Variants in ANGPT2 observed in about 807,000 individuals in gnomAD.
The protein encoded by ANGPT2 is angiopoietin-2.
In ANGPT2, 28 loss-of-function variants were observed where a neutral mutation model predicts 62.9. The ratio of observed to expected loss-of-function variants is 0.44; its 90% CI spans 0.33 to 0.61. The LOEUF (loss-of-function observed/expected upper bound fraction) is 0.61, where lower values mean the gene tolerates loss of function less well. ANGPT2 is among the 20% of genes least tolerant of loss of function. ANGPT2 has a pLI of 0.03. For synonymous variants in ANGPT2, 284 were observed against 207.8 expected (o/e 1.37, Z -3.15); for missense variants, 727 against 594.9 (o/e 1.22, Z -2.31).
At chr8:6,538,132 C>T (rs7014586) in intron 1 of ANGPT2, among the ~76,000 whole-genome samples, 2,165 of 152,170 alleles carry the variant, frequency 0.014, 45 homozygotes, top group African/African-American at 0.048. Context: ...ATGATCCATC[C>T]ATCTTCCCAC....
chr8:6,553,409 A>T (rs1252138118), intron 1 of ANGPT2, among the ~76,000 whole-genome samples: 2 of 152,220 alleles, frequency 1.3e-5, no homozygotes, highest in African/African-American at 2.4e-5. Flanking sequence ...TTACATAGTT[A>T]AAAGTACACT....
At chr8:6,559,230 A>AACACACACACAC (rs59299448) in intron 1 of ANGPT2, among the ~76,000 whole-genome samples, 4,160 of 146,788 alleles carry the variant, frequency 0.028, 88 homozygotes, top group East Asian at 0.077. Flanking sequence ...CACACACGAC[A>AACACACACACAC]ACACACACAC....
chr8:6,505,261 T>TC (rs1563305264), intron 8 of ANGPT2, among the ~76,000 whole-genome samples: 6 of 116,676 alleles, frequency 5.1e-5, no homozygotes, highest in East Asian at 4.5e-4. Context: ...TTATATATGT[T>TC]TTATATATAT....
At chr8:6,553,472 C>T (rs1335162687) in intron 1 of ANGPT2, among the ~76,000 whole-genome samples, 2 of 152,050 alleles carry the variant, frequency 1.3e-5, no homozygotes, top group Admixed American at 6.5e-5. Flanking sequence ...GTAATTGCGT[C>T]GGCTTCACAC....
intron 7 of ANGPT2, among the ~76,000 whole-genome samples, chr8:6,512,526 C>G (rs3020214): frequency 0.37 from 55,616 of 152,050 alleles, 10,385 homozygotes; most frequent in Middle Eastern, 0.48. Context: ...CGAGGCGCCA[C>G]CAGTCTGTGC....
chr8:6,528,740 G>C (rs1216525576), intron 2 of ANGPT2, among the ~76,000 whole-genome samples: 1 of 152,224 alleles, frequency 6.6e-6, no homozygotes, highest in African/African-American at 2.4e-5. Context: ...GCAAATGTCA[G>C]TCAGCATTGT....
At chr8:6,522,124 G>A (rs1056638269) in intron 3 of ANGPT2, among the ~76,000 whole-genome samples, 17 of 152,208 alleles carry the variant, frequency 1.1e-4, no homozygotes, top group Admixed American at 4.6e-4. Flanking sequence ...GGGAGGCCGA[G>A]GCGGGCGGAT....
intron 1 of ANGPT2, among the ~76,000 whole-genome samples, chr8:6,536,723 C>T (rs1820570896): frequency 6.6e-6 from 1 of 152,070 alleles, no homozygotes; most frequent in African/African-American, 2.4e-5. Context: ...CATAAATCAC[C>T]ACGTATCAAG....
At chr8:6,553,370 A>AGCC (rs1360958529) in intron 1 of ANGPT2, among the ~76,000 whole-genome samples, 1 of 152,214 alleles carries the variant, frequency 6.6e-6, no homozygotes, top group Non-Finnish European at 1.5e-5. Flanking sequence ...CAGTAAACCT[A>AGCC]GCCAGCCCTC....
At chr8:6,553,011 T>G (rs1823935597) in intron 1 of ANGPT2, among the ~76,000 whole-genome samples, 1 of 152,210 alleles carries the variant, frequency 6.6e-6, no homozygotes, top group South Asian at 2.1e-4. Context: ...GAAGCTGCTC[T>G]GTGTGATGCT....
rs1378673142 is a variant in ANGPT2 at position 6,502,093 on chromosome 8, A to G, written c.*1008T>C. ...AAATTAAATTGTAGTCTAGTTCTAT[A>G]AAAATATATCTTACTAGGAAAGAAA... On this transcript the variant is annotated 3_prime_UTR_variant, in exon 9 of 9. Coordinates refer to ENST00000629816, the MANE Select transcript of ANGPT2 (RefSeq NM_001118887.2). 2 of 152,114 alleles carry G rather than the reference A, an allele frequency of 1.3e-5. No homozygotes were observed. Among genetic ancestry groups the G allele is most frequent in the African/African-American group, 4.8e-5 (2 of 41,440 alleles). 9.4% of individuals were successfully genotyped at this position (152,114 alleles called of 1,614,324 possible).
chr8:6,524,340 A>C (rs1027986243), intron 3 of ANGPT2, among the ~76,000 whole-genome samples: 2 of 152,330 alleles, frequency 1.3e-5, no homozygotes, highest in African/African-American at 4.8e-5. Context: ...AGCTGGTGAA[A>C]TATTCTATAC....
In ANGPT2 at chr8:6,503,331, C is replaced by T. The variant is rs1812577181; in HGVS notation, c.1328-70G>A. The T allele has an allele frequency of 9.6e-6, 15 of 1,559,926 alleles. No individual in the cohort carries two copies. In the South Asian group the frequency reaches 1.4e-4, roughly 14 times the overall value. On this transcript the variant is annotated intron_variant, in intron 8 of 8. Coordinates refer to ENST00000629816, the MANE Select transcript of ANGPT2 (RefSeq NM_001118887.2). ...AGCTCCCACCACGAAGACAGCAATA[C>T]TCAGCTAAGGCAGGAGGCACACTGC...
chr8:6,562,468 C>T (rs950437754), intron 1 of ANGPT2, among the ~76,000 whole-genome samples, 179 bp downstream of exon 1: 1 of 148,170 alleles, frequency 6.7e-6, no homozygotes, highest in Admixed American at 6.8e-5. Context: ...TACCCACACA[C>T]CCTGGGATAG....
intron 2 of ANGPT2, among the ~76,000 whole-genome samples, chr8:6,531,435 C>T (rs1157850090): frequency 6.6e-6 from 1 of 151,920 alleles, no homozygotes; most frequent in Non-Finnish European, 1.5e-5. Flanking sequence ...ATTGCAGATG[C>T]CCGCCACCAC....
At chr8:6,550,456 G>C (rs553008836) in intron 1 of ANGPT2, among the ~76,000 whole-genome samples, 2 of 152,346 alleles carry the variant, frequency 1.3e-5, no homozygotes, top group South Asian at 4.1e-4. Context: ...TCAGCATCCA[G>C]CGCGTCCTCA....
chr8:6,545,726 G>A (rs1586538613), intron 1 of ANGPT2, among the ~76,000 whole-genome samples: 1 of 152,216 alleles, frequency 6.6e-6, no homozygotes, highest in East Asian at 1.9e-4. Flanking sequence ...TCTGAGTCAT[G>A]TATTGGATTT....
chr8:6,518,267 G>A (rs1003599676), intron 5 of ANGPT2, among the ~76,000 whole-genome samples: 3 of 152,122 alleles, frequency 2.0e-5, no homozygotes, highest in Admixed American at 6.5e-5. Context: ...CCAAGAACAC[G>A]CCAACATCTG....
chr8:6,514,043 G>A (rs982907490), intron 6 of ANGPT2, among the ~76,000 whole-genome samples, 199 bp from the exon 7 acceptor site: 1 of 152,146 alleles, frequency 6.6e-6, no homozygotes, highest in African/African-American at 2.4e-5. Flanking sequence ...GCTGCTGGAA[G>A]AAAACTTGTA....
Sources: allele counts gnomAD v4.1 joint callset (sites outside exome capture counted in the v4.1 genomes callset), GRCh38; gene constraint gnomAD v4.1.1; transcripts MANE v1.5; gene names NCBI Gene and HGNC (gene_info 2026-07-23, HGNC 2026-07-21).